The following PPP4R1 variants were observed in gnomAD, a reference collection of about 807,000 sequenced individuals.
PPP4R1 encodes protein phosphatase 4 regulatory subunit 1.
A neutral mutation model predicts 111.2 loss-of-function variants in PPP4R1; 42 were observed. The observed-to-expected ratio is 0.38, with a 90% CI of 0.29 to 0.49. The LOEUF (loss-of-function observed/expected upper bound fraction) is 0.49. PPP4R1 is among the 20% of genes least tolerant of loss of function. The probability of loss-of-function intolerance (pLI) is 0.97; values close to 1 mark genes in which losing one functional copy is unlikely to be tolerated. For missense variants in PPP4R1, 1,012 were observed against 1,161.6 expected (o/e 0.87, Z 1.87); for synonymous variants, 409 against 405.5 (o/e 1.01, Z -0.10).
chr18:9,561,997 T>C lies in PPP4R1; in HGVS notation c.1825A>G (p.Arg609Gly), dbSNP rs1371105231. 2.5e-6 allele frequency: 4 copies of C among 1,611,626 alleles called. No individual in the cohort carries two copies. Among genetic ancestry groups the C allele is most frequent in the Non-Finnish European group, 3.4e-6 (4 of 1,177,864 alleles). Residue 609 changes from arginine to glycine, a missense_variant, in exon 13 of 20, where the codon AGG becomes GGG. Arg to Gly is a moderately radical substitution (Grantham distance 125, BLOSUM62 -2). Around this residue, in one of 2 missense-constraint regions of PPP4R1, gnomAD observed 707 missense variants for 742.1 expected, o/e 0.95. Coordinates refer to ENST00000400556, the MANE Select transcript of PPP4R1 (RefSeq NM_001042388.3). ...NNSSFSPDEE[R>G]RTKVQDVVPQ... is the part of the protein sequence containing the mutation. ...TCACTTACTTGTACTTTAGTTCTCC[T>C]TTCCTCATCAGGGCTAAAACTGCTA... is the stretch of plus-strand genomic sequence containing the variant.
intron 15 of PPP4R1, among the ~76,000 whole-genome samples, chr18:9,555,677 C>A (rs2066561387): frequency 6.6e-6 from 1 of 152,104 alleles, no homozygotes; most frequent in South Asian, 2.1e-4. Flanking sequence ...TGTGTAAATT[C>A]AAATTGAGGG....
chr18:9,556,342 A>ACG (rs2066585091), intron 15 of PPP4R1, among the ~76,000 whole-genome samples: 2 of 150,970 alleles, frequency 1.3e-5, no homozygotes, highest in Admixed American at 6.6e-5. Flanking sequence ...ACAGGTGCCT[A>ACG]CCACCACGCC....
Position 9,570,697 on chromosome 18 carries a change from A to G in PPP4R1, c.1047-14T>C, listed in dbSNP as rs761860489. Reference sequence around the variant, plus strand: ...TGATCTCTGGTCCTTTTATTGTTTTATTTGGTGGGAAAAAAACAATATGAA... The same window carrying G: ...TGATCTCTGGTCCTTTTATTGTTTTGTTTGGTGGGAAAAAAACAATATGAA... On this transcript the variant is annotated splice_polypyrimidine_tract_variant and intron_variant, in intron 10 of 19. Transcript: ENST00000400556. 34 of 1,512,230 alleles carry G rather than the reference A, an allele frequency of 2.2e-5. 1 individual carries two copies. In the Middle Eastern group the frequency reaches 3.0e-3, roughly 133 times the overall value. 93.7% of individuals were successfully genotyped at this position (1,512,230 alleles called of 1,614,324 possible). A position where few individuals can be genotyped will look rare whatever the true frequency, so the allele number is the denominator to read the frequency against.
intron 15 of PPP4R1, among the ~76,000 whole-genome samples, chr18:9,556,075 T>G (rs951101628): frequency 1.1e-4 from 17 of 148,952 alleles, no homozygotes; most frequent in South Asian, 6.4e-4. Context: ...GCAGGAGAAT[T>G]GCTTGAACCT....
At chr18:9,594,885 A>T in intron 3 of PPP4R1, 133 bp downstream of exon 3, 1 of 1,079,438 alleles carries the variant, frequency 9.3e-7, no homozygotes, top group Non-Finnish European at 1.3e-6. Flanking sequence ...TGCTGTGATT[A>T]TGAATAAAAC....
chr18:9,567,348 A>G (rs1265416394), intron 11 of PPP4R1, among the ~76,000 whole-genome samples: 1 of 152,172 alleles, frequency 6.6e-6, no homozygotes, highest in African/African-American at 2.4e-5. Context: ...TCATAATCAA[A>G]CGTTTTCTGT....
At chr18:9,565,247 G>A (rs997627504) in intron 11 of PPP4R1, among the ~76,000 whole-genome samples, 2 of 152,032 alleles carry the variant, frequency 1.3e-5, no homozygotes, top group South Asian at 2.1e-4. Context: ...CATACAAGAC[G>A]GCAAACTTAA....
At chr18:9,616,304 T>TA (rs1268185045), upstream of PPP4R1, among the ~76,000 whole-genome samples, 1 of 151,930 alleles carries the variant, frequency 6.6e-6, no homozygotes, top group East Asian at 1.9e-4. Context: ...AGTCTTGCCT[T>TA]ACGTAGCCCA....
At chr18:9,578,559 A>C (rs896243605) in intron 9 of PPP4R1, among the ~76,000 whole-genome samples, 1 of 152,092 alleles carries the variant, frequency 6.6e-6, no homozygotes, top group African/African-American at 2.4e-5. Context: ...TTCTTTAAAA[A>C]AAAAAAAAAA....
intron 13 of PPP4R1, 70 bp downstream of exon 13, chr18:9,561,910 G>C: frequency 7.9e-7 from 1 of 1,273,216 alleles, no homozygotes; most frequent in Non-Finnish European, 1.1e-6. Flanking sequence ...GGGCAAATTA[G>C]GTCAGAAATG....
At chr18:9,548,041 G>A (rs2066427382) in intron 19 of PPP4R1, 89 bp from the exon 20 acceptor site, 2 of 1,331,404 alleles carry the variant, frequency 1.5e-6, no homozygotes, top group Non-Finnish European at 2.1e-6. Context: ...CAGTTAAACT[G>A]GGTATTTCTA....
At chr18:9,579,794 G>C (rs1470844711) in intron 9 of PPP4R1, among the ~76,000 whole-genome samples, 1 of 152,162 alleles carries the variant, frequency 6.6e-6, no homozygotes, top group Non-Finnish European at 1.5e-5. Flanking sequence ...ACGATTTACA[G>C]TGTACAGGAG....
At chr18:9,611,142 T>C (rs1241192071) in intron 2 of PPP4R1, among the ~76,000 whole-genome samples, 1 of 152,200 alleles carries the variant, frequency 6.6e-6, no homozygotes, top group Admixed American at 6.5e-5. Context: ...TCCCTCATAG[T>C]CCAGGTTCTG....
chr18:9,597,274 G>A (rs1199262442), intron 2 of PPP4R1, among the ~76,000 whole-genome samples: 1 of 152,162 alleles, frequency 6.6e-6, no homozygotes, highest in Non-Finnish European at 1.5e-5. Flanking sequence ...TAACTTCCTG[G>A]AAATAATTTC....
chr18:9,568,913 T>C (rs943742113), intron 11 of PPP4R1, among the ~76,000 whole-genome samples: 20 of 152,208 alleles, frequency 1.3e-4, no homozygotes, highest in African/African-American at 4.8e-4. Context: ...CGCACGCCTG[T>C]AGTCCCAGCT....
rs1161016614 is a variant in PPP4R1, at chr18:9,595,175, C to T, written c.53-22G>A. On this transcript the variant is annotated intron_variant, in intron 2 of 19. Transcript: ENST00000400556. The stretch of plus-strand genomic sequence containing the variant: ...CCAACTATCAGAGACATCAGAAATA[C>T]TCCTTATAACACTTTGAAACTAAAA... 4 of 1,609,036 alleles carry T rather than the reference C, an allele frequency of 2.5e-6. No homozygotes were observed. In the East Asian group the frequency reaches 8.9e-5, roughly 36 times the overall value.
At chr18:9,606,440 A>G (rs1207090522) in intron 2 of PPP4R1, among the ~76,000 whole-genome samples, 1 of 152,216 alleles carries the variant, frequency 6.6e-6, no homozygotes, top group Non-Finnish European at 1.5e-5. Flanking sequence ...AAACTATTTA[A>G]TATTTGGCCT....
At chr18:9,602,131 T>C (rs1256204702) in intron 2 of PPP4R1, among the ~76,000 whole-genome samples, 2 of 152,178 alleles carry the variant, frequency 1.3e-5, no homozygotes, top group Non-Finnish European at 2.9e-5. Context: ...CCTCTCTCTA[T>C]ACTACTTGCA....
Position 9,588,068 on chromosome 18 carries a change from GAA to G in PPP4R1, c.585+19_585+20del, listed in dbSNP as rs750739993. The G allele has an allele frequency of 1.2e-6, 2 of 1,613,230 alleles. No individual in the cohort carries two copies. The highest frequency in any genetic ancestry group is 1.7e-6 in the Non-Finnish European group (2 of 1,179,592). On this transcript the variant is annotated intron_variant, in intron 6 of 19. Coordinates refer to ENST00000400556, the MANE Select transcript of PPP4R1 (RefSeq NM_001042388.3). Reference sequence around the variant, plus strand: ...TTATCAGCCACATTTTGCATAAGTGGAAAAATGGCATTTGACTTACAGCCACA... The same window carrying G: ...TTATCAGCCACATTTTGCATAAGTGGAAATGGCATTTGACTTACAGCCACA...
Sources: gnomAD v4.1 joint callset for allele counts (sites outside exome capture counted in the v4.1 genomes callset) on GRCh38, gnomAD v4.1.1 for gene constraint, gnomAD v4.1.1 regional missense constraint, MANE v1.5 for transcripts, NCBI Gene and HGNC (gene_info 2026-07-23, HGNC 2026-07-21) for gene names.